Variants in SLC28A3 observed in about 807,000 individuals in gnomAD.
SLC28A3 encodes concentrative Na(+)-nucleoside cotransporter 3.
A neutral mutation model predicts 84.2 loss-of-function variants in SLC28A3; 68 were observed. The ratio of observed to expected loss-of-function variants is 0.81; its 90% CI spans 0.66 to 0.99. The LOEUF (loss-of-function observed/expected upper bound fraction) is 0.99. Among genes scored for constraint, SLC28A3 ranks in the 50% least tolerant of loss-of-function variants. The probability of loss-of-function intolerance (pLI) is 0.00; values close to 1 mark genes in which losing one functional copy is unlikely to be tolerated. For synonymous variants in SLC28A3, 267 were observed against 303.6 expected (o/e 0.88, Z 1.25); for missense variants, 712 against 841.5 (o/e 0.85, Z 1.90).
At chr9:84,281,854 G>A (rs1456171157) in intron 14 of SLC28A3, among the ~76,000 whole-genome samples, 1 of 152,204 alleles carries the variant, frequency 6.6e-6, no homozygotes, top group Admixed American at 6.5e-5. Context: ...GGCTGGGTGC[G>A]GTGGCTCACG....
intron 1 of SLC28A3, among the ~76,000 whole-genome samples, chr9:84,320,920 C>T (rs964436856): frequency 6.7e-6 from 1 of 148,206 alleles, no homozygotes; most frequent in Non-Finnish European, 1.5e-5. Flanking sequence ...GAGCTGAGAT[C>T]GTGCCACTGA....
the SLC28A3 span, among the ~76,000 whole-genome samples, chr9:84,367,119 C>G: frequency 2.6e-5 from 4 of 152,176 alleles, no homozygotes; most frequent in Non-Finnish European, 5.9e-5. Flanking sequence ...TCTTCCCTCC[C>G]TTTTCCAAAG....
At chr9:84,300,292 G>A (rs992161730) in intron 5 of SLC28A3, among the ~76,000 whole-genome samples, 4 of 152,222 alleles carry the variant, frequency 2.6e-5, no homozygotes, top group African/African-American at 9.6e-5. Flanking sequence ...GGCCAGAGAG[G>A]AGATAGCATG....
At position 84,286,110 on chromosome 9, in the gene SLC28A3, C is replaced by A. The variant is rs1446753588; in HGVS notation, c.1282G>T (p.Asp428Tyr). The change falls in exon 13 of 18, where the codon GAT (aspartate) becomes TAT (tyrosine). Residue 428 changes from aspartate to tyrosine, a missense_variant and splice_region_variant. By Grantham distance (160) the Asp-to-Tyr change is radical. Coordinates refer to ENST00000376238, the MANE Select transcript of SLC28A3 (RefSeq NM_001199633.2). ...LKNAMKMESG[D>Y]SGNLLEAATQ... Reference sequence around the variant, plus strand: ...GCAGCTTCTAGAAGATTCCCTGAATCACTTTATCAAGAAATAGCAATTCCA... The same window carrying A: ...GCAGCTTCTAGAAGATTCCCTGAATAACTTTATCAAGAAATAGCAATTCCA... 6.2e-7 allele frequency: 1 copy of A among 1,613,178 alleles called. No individual in the cohort carries two copies. The highest frequency in any genetic ancestry group is 8.5e-7 in the Non-Finnish European group (1 of 1,179,536).
intron 3 of SLC28A3, among the ~76,000 whole-genome samples, chr9:84,307,832 A>C (rs1825855118): frequency 6.6e-6 from 1 of 152,226 alleles, no homozygotes. Context: ...AGAGTAGCTG[A>C]AAGTAGACAC....
At chr9:84,279,214 TTGA>T in intron 17 of SLC28A3, 48 bp downstream of exon 17, 1 of 1,333,966 alleles carries the variant, frequency 7.5e-7, no homozygotes, top group Non-Finnish European at 1.0e-6. Flanking sequence ...TAGGTGTGAT[TTGA>T]TTGATTATTA....
At chr9:84,340,777 C>CT, upstream of SLC28A3, 8 of 806,988 alleles carry the variant, frequency 9.9e-6, no homozygotes, top group Non-Finnish European at 1.4e-5. Flanking sequence ...CTGCAATAAT[C>CT]TCCTGAATGA....
chr9:84,361,386 G>C, the SLC28A3 span, among the ~76,000 whole-genome samples: 1 of 152,188 alleles, frequency 6.6e-6, no homozygotes, highest in African/African-American at 2.4e-5. Context: ...GGCTATTTCA[G>C]AATATGAGCC....
chr9:84,354,007 TGA>T, the SLC28A3 span, among the ~76,000 whole-genome samples: 1 of 152,226 alleles, frequency 6.6e-6, no homozygotes, highest in Non-Finnish European at 1.5e-5. Context: ...CTGTACATAC[TGA>T]GATATTGGTG....
chr9:84,366,252 A>C, the SLC28A3 span, among the ~76,000 whole-genome samples: 1 of 151,866 alleles, frequency 6.6e-6, no homozygotes, highest in Non-Finnish European at 1.5e-5. Flanking sequence ...AACTATTTCA[A>C]TCTCTGTGTT....
chr9:84,324,452 T>G (rs1358828006), intron 1 of SLC28A3, among the ~76,000 whole-genome samples: 1 of 152,134 alleles, frequency 6.6e-6, no homozygotes, highest in African/African-American at 2.4e-5. Flanking sequence ...AAGACCAGCC[T>G]GGGTAACGTG....
At chr9:84,362,657 GTTAA>G in the SLC28A3 span, among the ~76,000 whole-genome samples, 1,312 of 134,464 alleles carry the variant, frequency 9.8e-3, 18 homozygotes, top group African/African-American at 0.031. Flanking sequence ...AAATAAATAA[GTTAA>G]TAAATAAATA....
intron 4 of SLC28A3, 52 bp downstream of exon 4, chr9:84,305,202 G>GA (rs35729465): frequency 0.08 from 92,487 of 1,150,754 alleles, 1,074 homozygotes; most frequent in African/African-American, 0.24. Context: ...GGGAATCCCT[G>GA]AAAAAAAAAA....
At position 84,297,947 on chromosome 9, in the gene SLC28A3, G is replaced by C. The variant is rs1825479711; in HGVS notation, c.742C>G (p.Pro248Ala). The C allele has an allele frequency of 1.9e-6, 3 of 1,611,406 alleles. No homozygotes were observed. Among genetic ancestry groups the C allele is most frequent in the Middle Eastern group, 1.7e-4 (1 of 6,050 alleles). Residue 248 changes from proline to alanine, a missense_variant, in exon 7 of 18, where the codon CCT becomes GCT. Transcript: ENST00000376238. ...AACCAATCAAAAGCTATAAATCCAG[G>C]GTCAGTCCTTAGAATCAAGAGCCCA... ...LLGLLILRTD[P>A]GFIAFDWLGR...
At chr9:84,320,945 G>A (rs956147747) in intron 1 of SLC28A3, among the ~76,000 whole-genome samples, 7 of 141,000 alleles carry the variant, frequency 5.0e-5, no homozygotes, top group South Asian at 2.2e-4. Context: ...CAGCCTGGGC[G>A]ACAAGAACAA....
chr9:84,286,864 A>G (rs1249345616), intron 12 of SLC28A3, among the ~76,000 whole-genome samples: 2 of 151,984 alleles, frequency 1.3e-5, no homozygotes, highest in Non-Finnish European at 2.9e-5. Context: ...TTCACTCATC[A>G]TCCCCTTTCT....
At chr9:84,302,145 GT>G in intron 5 of SLC28A3, 54 bp downstream of exon 5, 1 of 1,550,474 alleles carries the variant, frequency 6.4e-7, no homozygotes. Flanking sequence ...TTGAAACGGT[GT>G]TGGAAAGGAC....
At chr9:84,349,296 T>C in the SLC28A3 span, among the ~76,000 whole-genome samples, 1 of 152,202 alleles carries the variant, frequency 6.6e-6, no homozygotes, top group East Asian at 1.9e-4. Flanking sequence ...CCTGGGGATA[T>C]GATGGCTTAG....
In SLC28A3 at chr9:84,291,751, T is replaced by C. The variant is rs1825231787; in HGVS notation, c.1023+917A>G. ...ATTTGGGGCTATGTGTTTTTCTGAG[T>C]GACTTGATTTTTGCTTCAAATTCAG... is the stretch of plus-strand genomic sequence containing the variant. On this transcript the variant is annotated intron_variant, in intron 10 of 17. Coordinates refer to ENST00000376238, the MANE Select transcript of SLC28A3 (RefSeq NM_001199633.2). Among the ~76,000 whole-genome samples, 6 of 152,300 alleles carry C rather than the reference T, an allele frequency of 3.9e-5. No individual in the cohort carries two copies. The South Asian group carries it at 1.2e-3, about 32-fold the overall frequency.
Sources: gnomAD v4.1 joint callset for allele counts (sites outside exome capture counted in the v4.1 genomes callset) on GRCh38, gnomAD v4.1.1 for gene constraint, MANE v1.5 for transcripts, NCBI Gene and HGNC (gene_info 2026-07-23, HGNC 2026-07-21) for gene names.